Variants in COP1 observed in about 807,000 individuals in gnomAD.
COP1 encodes the protein COP1 E3 ubiquitin ligase.
A neutral mutation model predicts 101.3 loss-of-function variants in COP1; 24 were observed. That is an observed-to-expected ratio of 0.24 (90% CI 0.17 to 0.33). COP1 has a LOEUF of 0.33. Among genes scored for constraint, COP1 ranks in the 10% least tolerant of loss-of-function variants. The pLI is 1.00. For synonymous variants in COP1, 347 were observed against 341.9 expected, an observed-to-expected ratio of 1.01 and a Z score of -0.17; for missense variants, 663 against 906.2, an observed-to-expected ratio of 0.73 and a Z score of 3.45.
chr1:176,066,262 C>T (rs1433154549), intron 11 of COP1, among the ~76,000 whole-genome samples: 1 of 152,142 alleles, frequency 6.6e-6, no homozygotes, highest in Non-Finnish European at 1.5e-5. Flanking sequence ...ATGAACCTCC[C>T]TCACCTCTTC....
intron 9 of COP1, among the ~76,000 whole-genome samples, chr1:176,104,256 G>C (rs190604863): frequency 6.6e-6 from 1 of 152,192 alleles, no homozygotes; most frequent in East Asian, 1.9e-4. Context: ...GAAACAAGGG[G>C]TTTCTCTACA....
chr1:176,027,866 T>C (rs1452145226), intron 14 of COP1, among the ~76,000 whole-genome samples, 178 bp from the exon 15 acceptor site: 1 of 149,566 alleles, frequency 6.7e-6, no homozygotes, highest in Admixed American at 6.8e-5. Flanking sequence ...CTCGCACTGC[T>C]AATAAAAAGA....
chr1:176,056,730 CTTATT>C (rs1331976957), intron 11 of COP1, among the ~76,000 whole-genome samples: 1 of 152,108 alleles, frequency 6.6e-6, no homozygotes, highest in African/African-American at 2.4e-5. Flanking sequence ...TATCTGTCAT[CTTATT>C]TTGTGATATA....
At chr1:176,194,735 G>A (rs1161261852) in intron 1 of COP1, among the ~76,000 whole-genome samples, 1 of 152,008 alleles carries the variant, frequency 6.6e-6, no homozygotes, top group Admixed American at 6.6e-5. Context: ...ATTAAAACAC[G>A]TACATAATAG....
chr1:175,978,441 G>A (rs1013333589), intron 18 of COP1, among the ~76,000 whole-genome samples: 5 of 152,124 alleles, frequency 3.3e-5, no homozygotes, highest in African/African-American at 1.2e-4. Flanking sequence ...TGGACATTAA[G>A]GTTAAAGAAA....
intron 9 of COP1, among the ~76,000 whole-genome samples, chr1:176,111,884 T>C (rs938685396): frequency 1.3e-5 from 2 of 152,210 alleles, no homozygotes; most frequent in Admixed American, 6.5e-5. Context: ...CAATGTATCA[T>C]GTCAGCTCCA....
In COP1 at chr1:176,136,541, C is replaced by T; in HGVS notation, c.838G>A (p.Glu280Lys). The T allele has an allele frequency of 1.3e-6, 2 of 1,598,302 alleles. No homozygotes were observed. Among genetic ancestry groups the T allele is most frequent in the South Asian group, 2.2e-5 (2 of 89,244 alleles). The change falls in exon 7 of 20, where the codon GAA (glutamate) becomes AAA (lysine). Residue 280 changes from glutamate (E) to lysine (K), a missense_variant. Physicochemically the swap from Glu to Lys is moderately conservative, Grantham distance 56. This residue lies in a region of COP1 where 212 missense variants were observed against 240.7 expected (regional missense o/e 0.88). Coordinates refer to ENST00000367669, the MANE Select transcript of COP1 (RefSeq NM_022457.7). Reference protein sequence around the residue: ...VARRNKREQLEQIQKELSVLE... With the variant: ...VARRNKREQLKQIQKELSVLE... ...ACACTTAGCTCCTTCTGGATCTGTT[C>T]CAGTTGCTGCAGATTAAATAGAGAG... is the stretch of plus-strand genomic sequence containing the variant.
chr1:176,072,379 G>GT (rs1353157148), intron 11 of COP1, among the ~76,000 whole-genome samples: 9 of 152,154 alleles, frequency 5.9e-5, no homozygotes, highest in Non-Finnish European at 1.3e-4. Context: ...AATAAGACAG[G>GT]TAAGGCCCCT....
At chr1:175,978,369 T>A (rs1655049505) in intron 18 of COP1, among the ~76,000 whole-genome samples, 1 of 152,182 alleles carries the variant, frequency 6.6e-6, no homozygotes, top group Non-Finnish European at 1.5e-5. Context: ...GATTTTATTA[T>A]AATATTCACC....
At chr1:176,073,679 G>A (rs917743550) in intron 11 of COP1, among the ~76,000 whole-genome samples, 4 of 152,136 alleles carry the variant, frequency 2.6e-5, no homozygotes, top group East Asian at 1.9e-4. Context: ...CACCAATTCC[G>A]TACCTTGTCT....
intron 15 of COP1, among the ~76,000 whole-genome samples, chr1:176,007,890 C>T (rs531366151): frequency 1.4e-3 from 213 of 152,374 alleles, no homozygotes; most frequent in African/African-American, 4.6e-3. Context: ...AGCTTCCTGG[C>T]TGCTTTGTTT....
At chr1:176,068,289 C>T (rs983985642) in intron 11 of COP1, among the ~76,000 whole-genome samples, 1 of 151,906 alleles carries the variant, frequency 6.6e-6, no homozygotes, top group Admixed American at 6.6e-5. Context: ...AGCTCTTAAC[C>T]TAAGACAATG....
At chr1:176,118,069 T>C (rs539877631) in intron 8 of COP1, among the ~76,000 whole-genome samples, 14 of 152,338 alleles carry the variant, frequency 9.2e-5, no homozygotes, top group African/African-American at 3.4e-4. Flanking sequence ...GGAGGTACTC[T>C]AAGTAGTACA....
In COP1 at chr1:176,202,575, C is replaced by G. The variant is rs549704566; in HGVS notation, c.407+3997G>C. 1.7e-3 allele frequency among the ~76,000 whole-genome samples: 255 copies of G among 151,884 alleles called. 1 individual carries two copies. The highest frequency in any genetic ancestry group is 5.9e-3 in the African/African-American group (244 of 41,452). ...GGATTACAGGTGGTGGCACCCGTCT[C>G]TAATCCCCGCTGCTTGAGAGGCTAA... On this transcript the variant is annotated intron_variant, in intron 1 of 19. Transcript: ENST00000367669.
At chr1:176,068,052 G>A (rs1313159138) in intron 11 of COP1, among the ~76,000 whole-genome samples, 2 of 152,194 alleles carry the variant, frequency 1.3e-5, no homozygotes, top group African/African-American at 2.4e-5. Context: ...GTTGGTAATG[G>A]GTGATGCTAT....
At chr1:175,991,942 C>T (rs540009757) in intron 15 of COP1, among the ~76,000 whole-genome samples, 11 of 151,800 alleles carry the variant, frequency 7.2e-5, no homozygotes, top group African/African-American at 2.4e-4. Flanking sequence ...TGTATAGTAA[C>T]TTAAAAAAAC....
intron 5 of COP1, among the ~76,000 whole-genome samples, chr1:176,153,265 T>C (rs574109671): frequency 2.6e-5 from 4 of 152,262 alleles, no homozygotes; most frequent in Non-Finnish European, 5.9e-5. Context: ...ACCTTATACA[T>C]GTCCCTGGGG....
chr1:176,058,899 T>C (rs79319944), intron 11 of COP1, among the ~76,000 whole-genome samples: 10,618 of 152,200 alleles, frequency 0.07, 460 homozygotes, highest in Admixed American at 0.087. Flanking sequence ...TTCAAACATA[T>C]ATAAACCTAA....
chr1:176,091,688 T>C (rs1681346697), intron 9 of COP1, among the ~76,000 whole-genome samples: 1 of 151,854 alleles, frequency 6.6e-6, no homozygotes, highest in African/African-American at 2.4e-5. Flanking sequence ...AGCACAGTGA[T>C]AGAACAGGTA....
Sources: allele counts gnomAD v4.1 joint callset (sites outside exome capture counted in the v4.1 genomes callset), GRCh38; gene constraint gnomAD v4.1.1; regional missense constraint gnomAD v4.1.1; transcripts MANE v1.5; gene names NCBI Gene and HGNC (gene_info 2026-07-23, HGNC 2026-07-21).